SFRP1: variants seen among roughly 807,000 people sequenced by gnomAD.
SFRP1 encodes the protein secreted frizzled related protein 1, also known as secreted frizzled-related protein 1.
In SFRP1, 9 loss-of-function variants were observed where a neutral mutation model predicts 25.9. That is an observed-to-expected ratio of 0.35 (90% CI 0.21 to 0.61). The LOEUF (loss-of-function observed/expected upper bound fraction) is 0.61, where lower values mean the gene tolerates loss of function less well. Among genes scored for constraint, SFRP1 ranks in the 20% least tolerant of loss-of-function variants. The pLI, the probability that SFRP1 is intolerant of heterozygous loss-of-function variation, is 0.78. For missense variants in SFRP1, 346 were observed against 418.2 expected, an observed-to-expected ratio of 0.83 and a Z score of 1.51; for synonymous variants, 178 against 174.0, an observed-to-expected ratio of 1.02 and a Z score of -0.18.
At chr8:41,301,547 T>C (rs1416452464) in intron 2 of SFRP1, among the ~76,000 whole-genome samples, 1 of 152,114 alleles carries the variant, frequency 6.6e-6, no homozygotes, top group African/African-American at 2.4e-5. Flanking sequence ...CCATACACCA[T>C]ACGCACACTA....
At chr8:41,303,346 TG>T in intron 2 of SFRP1, 114 bp downstream of exon 2, 1 of 766,720 alleles carries the variant, frequency 1.3e-6, no homozygotes, top group South Asian at 1.6e-5. Flanking sequence ...TGGAGAGGAA[TG>T]AGGTAGAGAA....
intron 2 of SFRP1, among the ~76,000 whole-genome samples, chr8:41,292,989 C>T (rs1803796403): frequency 1.3e-5 from 2 of 152,226 alleles, no homozygotes; most frequent in African/African-American, 2.4e-5. Flanking sequence ...GCCAGCCCTG[C>T]ATCCTGTGAG....
intron 2 of SFRP1, among the ~76,000 whole-genome samples, chr8:41,277,294 GGATT>G (rs1019917859): frequency 1.3e-5 from 2 of 149,100 alleles, no homozygotes; most frequent in African/African-American, 4.9e-5. Flanking sequence ...TCCATCACTA[GGATT>G]GATTGAATCT....
chr8:41,265,520 A>G (rs777455296), intron 2 of SFRP1, 31 bp from the exon 3 acceptor site: 1 of 1,501,732 alleles, frequency 6.7e-7, no homozygotes, highest in South Asian at 1.3e-5. Context: ...AGAAGAGAAA[A>G]GAGGGTAAGA....
intron 2 of SFRP1, among the ~76,000 whole-genome samples, chr8:41,273,817 A>G (rs1803540404): frequency 6.6e-6 from 1 of 152,134 alleles, no homozygotes; most frequent in Non-Finnish European, 1.5e-5. Flanking sequence ...AGGGTGTTTC[A>G]GAGGAGACTG....
intron 2 of SFRP1, among the ~76,000 whole-genome samples, chr8:41,302,902 G>A (rs1026502460): frequency 1.3e-5 from 2 of 151,854 alleles, no homozygotes; most frequent in African/African-American, 4.8e-5. Flanking sequence ...CCTGCTGTGG[G>A]GATGTCCATT....
chr8:41,265,204 T>A lies in SFRP1; in HGVS notation c.908A>T (p.Asn303Ile), dbSNP rs755220954. The A allele has an allele frequency of 2.2e-6, 3 of 1,352,636 alleles. No homozygotes were observed. In the South Asian group the frequency reaches 3.7e-5, roughly 16 times the overall value. 83.8% of individuals were successfully genotyped at this position (1,352,636 alleles called of 1,614,324 possible). A position where few individuals can be genotyped will look rare whatever the true frequency, so the allele number is the denominator to read the frequency against. ...EFKNFMKKMK[N>I]HECPTFQSVF... ...GGACTGAAAGGTGGGGCACTCATGG[T>A]TTTTCATTTTCTTCATGAAGTTTTT... The change falls in exon 3 of 3, where the codon AAC becomes ATC. Residue 303 changes from asparagine (N) to isoleucine (I), a missense_variant. Coordinates refer to ENST00000220772, the MANE Select transcript of SFRP1 (RefSeq NM_003012.5).
At position 41,308,860 on chromosome 8, in the gene SFRP1, C is replaced by A; in HGVS notation, c.300G>T (p.Leu100=). Residue 100 remains leucine, a synonymous_variant, in exon 1 of 3, where the codon CTG becomes CTT. Transcript: ENST00000220772. ...TGCCGGCGTGGCAGTTCTTGTTGAG[C>A]AGGGGCACCCAGCTGCTGGCCTGCT... ...VKQQASSWVP[L]LNKNCHAGTQ... is the part of the protein sequence containing the mutation. 1 of 1,610,174 alleles carries A rather than the reference C, an allele frequency of 6.2e-7. No individual in the cohort carries two copies. Among genetic ancestry groups the A allele is most frequent in the Non-Finnish European group, 8.5e-7 (1 of 1,179,544 alleles).
chr8:41,275,269 G>A (rs765297310), intron 2 of SFRP1: 2 of 422,228 alleles, frequency 4.7e-6, no homozygotes, highest in Non-Finnish European at 9.3e-6. Flanking sequence ...GGGATGAATG[G>A]GGGCCTAGCC....
rs397893046 is a variant in SFRP1, at chr8:41,288,530, C to CAAAAAA, written c.622+14925_622+14930dup. 1.0e-4 allele frequency among the ~76,000 whole-genome samples: 4 copies of CAAAAAA among 39,110 alleles called. 1 individual carries two copies. Among genetic ancestry groups the CAAAAAA allele is most frequent in the Non-Finnish European group, 1.9e-4 (4 of 21,194 alleles). 25.7% of individuals were successfully genotyped at this position (39,110 alleles called of 152,430 possible). ...CCAGCCTGGGCAAAGAGACCCTGTC[C>CAAAAAA]AAAAAAAAAAAAAAAAAAAAAAAAA... On this transcript the variant is annotated intron_variant, in intron 2 of 2. Transcript: ENST00000220772.
At chr8:41,281,594 T>C (rs1327378518) in intron 2 of SFRP1, among the ~76,000 whole-genome samples, 1 of 152,254 alleles carries the variant, frequency 6.6e-6, no homozygotes, top group African/African-American at 2.4e-5. Context: ...CTCTTGTGAA[T>C]GGATGTGTAC....
intron 2 of SFRP1, among the ~76,000 whole-genome samples, chr8:41,287,820 G>A (rs1313204989): frequency 6.6e-6 from 1 of 152,184 alleles, no homozygotes; most frequent in Non-Finnish European, 1.5e-5. Flanking sequence ...ATGCTTTGAG[G>A]GAAGGGACCA....
Position 41,295,166 on chromosome 8 carries a change from G to T in SFRP1, c.622+8295C>A, listed in dbSNP as rs528991732. Among the ~76,000 whole-genome samples the T allele has an allele frequency of 1.3e-4, 20 of 152,280 alleles. 1 individual carries two copies. Among genetic ancestry groups the T allele is most frequent in the South Asian group, 4.1e-4 (2 of 4,830 alleles). Reference sequence around the variant, plus strand: ...TCACGAGGTCAGGAGTTCAAGACCAGCCTGGCCAACATGGTGAAACCCCAT... The same window carrying T: ...TCACGAGGTCAGGAGTTCAAGACCATCCTGGCCAACATGGTGAAACCCCAT... On this transcript the variant is annotated intron_variant, in intron 2 of 2. Transcript: ENST00000220772.
chr8:41,291,689 C>T (rs980269784), intron 2 of SFRP1, among the ~76,000 whole-genome samples: 1 of 152,160 alleles, frequency 6.6e-6, no homozygotes, highest in Admixed American at 6.5e-5. Context: ...AATCACACCC[C>T]ATGACCATTT....
intron 2 of SFRP1, among the ~76,000 whole-genome samples, chr8:41,285,021 G>T (rs1347728279): frequency 2.0e-5 from 3 of 152,204 alleles, no homozygotes; most frequent in Non-Finnish European, 4.4e-5. Context: ...CTCCGCTTCC[G>T]ACCTGGTGGC....
intron 1 of SFRP1, chr8:41,306,746 G>A (rs199619071): frequency 2.9e-5 from 47 of 1,597,934 alleles, no homozygotes; most frequent in East Asian, 4.5e-5. Context: ...GAGGAGTGGA[G>A]GTGAGTGAGG....
chr8:41,307,752 T>C (rs1804016300), intron 1 of SFRP1, among the ~76,000 whole-genome samples: 1 of 152,220 alleles, frequency 6.6e-6, no homozygotes. Context: ...CCCTCAAGAA[T>C]TGCTCTTTAA....
chr8:41,290,390 C>T (rs971427379), intron 2 of SFRP1, among the ~76,000 whole-genome samples: 3 of 152,222 alleles, frequency 2.0e-5, no homozygotes, highest in Non-Finnish European at 4.4e-5. Flanking sequence ...ATTCCCAGTG[C>T]AATGCTTTGG....
At chr8:41,286,486 T>C (rs1803703433) in intron 2 of SFRP1, among the ~76,000 whole-genome samples, 1 of 150,530 alleles carries the variant, frequency 6.6e-6, no homozygotes, top group Non-Finnish European at 1.5e-5. Flanking sequence ...GGCTCCTCCT[T>C]GGATAAAGGA....
Sources: gnomAD v4.1 joint callset for allele counts (sites outside exome capture counted in the v4.1 genomes callset) on GRCh38, gnomAD v4.1.1 for gene constraint, MANE v1.5 for transcripts, NCBI Gene and HGNC (gene_info 2026-07-23, HGNC 2026-07-21) for gene names.